Variants in APBA1 observed in about 807,000 individuals in gnomAD.
APBA1 encodes amyloid beta precursor protein binding family A member 1, also known as amyloid-beta A4 precursor protein-binding family A member 1.
APBA1 carries 55 observed loss-of-function variants against 86.6 expected under a neutral mutation model. The observed-to-expected ratio is 0.64, with a 90% CI of 0.51 to 0.80. The LOEUF (loss-of-function observed/expected upper bound fraction) is 0.80, where lower values mean the gene tolerates loss of function less well. Among genes scored for constraint, APBA1 ranks in the 30% least tolerant of loss-of-function variants. The probability of loss-of-function intolerance (pLI) is 0.00; values close to 1 mark genes in which losing one functional copy is unlikely to be tolerated. For missense variants in APBA1, 1,090 were observed against 1,183.0 expected (o/e 0.92, Z 1.15); for synonymous variants, 511 against 493.9 (o/e 1.03, Z -0.46).
chr9:69,637,731 A>C (rs1010027762), intron 1 of APBA1, among the ~76,000 whole-genome samples: 4 of 152,228 alleles, frequency 2.6e-5, no homozygotes, highest in Non-Finnish European at 5.9e-5. Flanking sequence ...TGGACCTAAA[A>C]CACATAAAAG....
intron 1 of APBA1, among the ~76,000 whole-genome samples, chr9:69,528,094 A>G (rs1254013583): frequency 2.0e-5 from 3 of 152,318 alleles, no homozygotes; most frequent in East Asian, 3.9e-4. Flanking sequence ...GCTAGTGGCC[A>G]CATCTTTAAT....
intron 1 of APBA1, among the ~76,000 whole-genome samples, chr9:69,532,844 T>A (rs1836454158): frequency 6.6e-6 from 1 of 152,200 alleles, no homozygotes; most frequent in Admixed American, 6.5e-5. Context: ...CTTCCATCTA[T>A]AAAATTGGTC....
chr9:69,618,466 T>C (rs1822749857), intron 1 of APBA1, among the ~76,000 whole-genome samples: 1 of 152,224 alleles, frequency 6.6e-6, no homozygotes, highest in Admixed American at 6.5e-5. Context: ...AGGATGCTAA[T>C]GAAGGCAAGT....
At chr9:69,565,288 T>C (rs907371267) in intron 1 of APBA1, among the ~76,000 whole-genome samples, 22 of 151,944 alleles carry the variant, frequency 1.4e-4, no homozygotes, top group Non-Finnish European at 3.1e-4. Context: ...TTGGTGTAGG[T>C]GCGGACCCCA....
In APBA1 at chr9:69,517,105, C is replaced by T. The variant is rs1434018161; in HGVS notation, c.106G>A (p.Glu36Lys). 2 of 1,578,298 alleles carry T rather than the reference C, an allele frequency of 1.3e-6. No individual in the cohort carries two copies. The highest frequency in any genetic ancestry group is 1.8e-5 in the Admixed American group (1 of 55,412). The change falls in exon 2 of 13, where the codon GAG becomes AAG. Residue 36 changes from glutamate to lysine, a missense_variant. Physicochemically the swap from Glu to Lys is moderately conservative, Grantham distance 56. Around this residue, in one of 6 missense-constraint regions of APBA1, gnomAD observed 678 missense variants for 647.1 expected, o/e 1.05. Transcript: ENST00000265381. ...EADLEHPEVEEEQQQPPQQQH... is the reference protein window; with the variant it reads ...EADLEHPEVEKEQQQPPQQQH... ...TGCTGCGGCGGCTGCTGCTGTTCCT[C>T]TTCCACCTCGGGGTGCTCCAGGTCG...
At chr9:69,452,906 G>C (rs1273315901) in intron 8 of APBA1, among the ~76,000 whole-genome samples, 1 of 152,176 alleles carries the variant, frequency 6.6e-6, no homozygotes, top group Non-Finnish European at 1.5e-5. Context: ...CACGTGTGCT[G>C]TCATGCATGG....
chr9:69,623,914 T>C (rs1411652512), intron 1 of APBA1, among the ~76,000 whole-genome samples: 4 of 152,224 alleles, frequency 2.6e-5, no homozygotes, highest in African/African-American at 7.2e-5. Context: ...CTTATCTTGC[T>C]GTAATACCTC....
intron 1 of APBA1, among the ~76,000 whole-genome samples, chr9:69,604,293 A>G (rs1489974503): frequency 1.4e-5 from 2 of 145,310 alleles, no homozygotes; most frequent in Non-Finnish European, 3.0e-5. Flanking sequence ...CACACACATG[A>G]GGGTAAGTGG....
chr9:69,581,251 A>T (rs759601161), intron 1 of APBA1, among the ~76,000 whole-genome samples: 3 of 152,178 alleles, frequency 2.0e-5, no homozygotes, highest in Non-Finnish European at 4.4e-5. Flanking sequence ...CCTTGGGATT[A>T]TATGTTTGCA....
intron 1 of APBA1, among the ~76,000 whole-genome samples, chr9:69,573,173 T>G (rs185980150): frequency 2.0e-4 from 30 of 151,978 alleles, no homozygotes; most frequent in African/African-American, 5.3e-4. Flanking sequence ...AATAAATAAA[T>G]AAAGAAGAAG....
intron 1 of APBA1, among the ~76,000 whole-genome samples, chr9:69,650,699 C>A (rs951372636): frequency 1.3e-5 from 2 of 152,156 alleles, no homozygotes; most frequent in Non-Finnish European, 2.9e-5. Context: ...GTAACAAAAT[C>A]ACATTCAGTT....
At chr9:69,530,702 C>A (rs1180039992) in intron 1 of APBA1, among the ~76,000 whole-genome samples, 1 of 152,186 alleles carries the variant, frequency 6.6e-6, no homozygotes, top group East Asian at 1.9e-4. Flanking sequence ...TACACATGTA[C>A]ACCCTACATC....
Position 69,502,415 on chromosome 9 carries a change from G to GT in APBA1, c.1200+13595dup, listed in dbSNP as rs201783168. On this transcript the variant is annotated intron_variant, in intron 2 of 12. Transcript: ENST00000265381. ...AGCAAACATTCTCCCATCTCTTTTT[G>GT]TTTTTTTTTCCTTGATTGAAATGAA... 2.4e-3 allele frequency among the ~76,000 whole-genome samples: 356 copies of GT among 150,364 alleles called. 2 individuals are homozygous for GT. The highest frequency in any genetic ancestry group is 3.7e-3 in the Non-Finnish European group (249 of 67,476).
At chr9:69,574,763 T>C (rs1167325659) in intron 1 of APBA1, among the ~76,000 whole-genome samples, 1 of 152,158 alleles carries the variant, frequency 6.6e-6, no homozygotes, top group Non-Finnish European at 1.5e-5. Context: ...TGCTTCGTGA[T>C]AAATAATAAG....
intron 1 of APBA1, among the ~76,000 whole-genome samples, chr9:69,653,724 C>T (rs949133055): frequency 1.3e-5 from 2 of 151,984 alleles, no homozygotes; most frequent in African/African-American, 2.4e-5. Context: ...AATGAAGAAA[C>T]GTAAATAGAA....
intron 1 of APBA1, among the ~76,000 whole-genome samples, chr9:69,539,024 C>CA (rs1749442702): frequency 6.6e-6 from 1 of 152,200 alleles, no homozygotes; most frequent in African/African-American, 2.4e-5. Context: ...TCCAGGCTTC[C>CA]AGGCCACCAC....
intron 1 of APBA1, among the ~76,000 whole-genome samples, chr9:69,606,447 A>C (rs527301670): frequency 3.0e-4 from 46 of 151,236 alleles, no homozygotes; most frequent in African/African-American, 1.1e-3. Context: ...AGAGAAGTTA[A>C]ACAAGGTTGA....
At chr9:69,656,213 C>T (rs1679546261) in intron 1 of APBA1, among the ~76,000 whole-genome samples, 1 of 152,130 alleles carries the variant, frequency 6.6e-6, no homozygotes, top group Admixed American at 6.5e-5. Context: ...TTTGGAAAAC[C>T]GGCAATATCT....
intron 1 of APBA1, among the ~76,000 whole-genome samples, chr9:69,660,988 G>T (rs752335541): frequency 2.6e-5 from 4 of 152,224 alleles, no homozygotes; most frequent in African/African-American, 9.6e-5. Context: ...GCCTGTTTGT[G>T]TACTGCCTTG....
Sources: gnomAD v4.1 joint callset for allele counts (sites outside exome capture counted in the v4.1 genomes callset) on GRCh38, gnomAD v4.1.1 for gene constraint, gnomAD v4.1.1 regional missense constraint, MANE v1.5 for transcripts, NCBI Gene and HGNC (gene_info 2026-07-23, HGNC 2026-07-21) for gene names.